Variants in PTPRG observed in about 807,000 individuals in gnomAD.
The protein encoded by PTPRG is receptor-type tyrosine-protein phosphatase gamma.
Under a neutral mutation model 165.3 loss-of-function variants are expected in PTPRG, and 102 were observed. The ratio of observed to expected loss-of-function variants is 0.62; its 90% confidence interval spans 0.53 to 0.73. PTPRG has a LOEUF of 0.73. Ranked by LOEUF, PTPRG falls within the 30% of genes least tolerant of loss-of-function variation. PTPRG has a pLI of 0.00. For synonymous variants in PTPRG, 675 were observed against 669.5 expected (o/e 1.01, Z -0.13); for missense variants, 1,866 against 1,861.4 (o/e 1.00, Z -0.05).
intron 2 of PTPRG, among the ~76,000 whole-genome samples, chr3:61,923,769 A>G (rs1575789342): frequency 7.0e-6 from 1 of 142,014 alleles, no homozygotes; most frequent in East Asian, 2.0e-4. Context: ...GGGCTCAAGC[A>G]TTTTGGGAGG....
At chr3:61,974,759 T>C (rs2040464194) in intron 2 of PTPRG, among the ~76,000 whole-genome samples, 1 of 152,194 alleles carries the variant, frequency 6.6e-6, no homozygotes. Context: ...CTGTTTTCTT[T>C]GCAGATTATG....
intron 4 of PTPRG, among the ~76,000 whole-genome samples, chr3:62,036,776 C>G (rs114808372): frequency 6.6e-6 from 1 of 152,170 alleles, no homozygotes; most frequent in Admixed American, 6.5e-5. Flanking sequence ...TGCTTCAAAA[C>G]AAGCTAGAAG....
chr3:62,207,956 T>C (rs1396087752), intron 12 of PTPRG, among the ~76,000 whole-genome samples: 4 of 152,234 alleles, frequency 2.6e-5, no homozygotes, highest in African/African-American at 4.8e-5. Flanking sequence ...CCAGTGAGAA[T>C]GCCTAGTGAG....
chr3:61,813,153 G>A (rs2035639737), intron 2 of PTPRG, among the ~76,000 whole-genome samples: 1 of 151,928 alleles, frequency 6.6e-6, no homozygotes, highest in African/African-American at 2.4e-5. Context: ...GAATGGTAGA[G>A]CATGGGGTCT....
At chr3:62,292,610 T>A in intron 29 of PTPRG, 54 bp downstream of exon 29, 1 of 1,586,510 alleles carries the variant, frequency 6.3e-7, no homozygotes, top group Middle Eastern at 1.7e-4. Flanking sequence ...AAACTCAGAC[T>A]CACAGTTTAG....
At chr3:62,067,876 G>T (rs1471397524) in intron 4 of PTPRG, among the ~76,000 whole-genome samples, 4 of 152,136 alleles carry the variant, frequency 2.6e-5, no homozygotes, top group African/African-American at 9.7e-5. Flanking sequence ...AACCAAAAAT[G>T]TCTCTAGACA....
intron 2 of PTPRG, among the ~76,000 whole-genome samples, chr3:61,891,640 A>G (rs1251619768): frequency 6.6e-6 from 1 of 152,266 alleles, no homozygotes; most frequent in African/African-American, 2.4e-5. Flanking sequence ...TGGAAAGCAC[A>G]TGAGGTAGCT....
rs1421783610 is a variant in PTPRG at position 61,646,027 on chromosome 3, C to CA, written c.85+83658dup. On this transcript the variant is annotated intron_variant, in intron 1 of 29. Coordinates refer to ENST00000474889, the MANE Select transcript of PTPRG (RefSeq NM_002841.4). Reference sequence around the variant, plus strand: ...AAATCTTACCTGCTTTATACAGACACAAATAAGGACTCCTCCATTCAGAGA... The same window carrying CA: ...AAATCTTACCTGCTTTATACAGACACAAAATAAGGACTCCTCCATTCAGAGA... Among the ~76,000 whole-genome samples the CA allele has an allele frequency of 3.9e-5, 6 of 152,212 alleles. No homozygotes were observed. In the East Asian group the frequency reaches 1.2e-3, roughly 29 times the overall value.
intron 4 of PTPRG, among the ~76,000 whole-genome samples, chr3:62,011,146 G>A (rs185151387): frequency 9.9e-5 from 15 of 152,260 alleles, no homozygotes; most frequent in East Asian, 7.7e-4. Flanking sequence ...CTTCCAGTGC[G>A]CATGCAGGCC....
intron 2 of PTPRG, among the ~76,000 whole-genome samples, chr3:61,870,700 A>G (rs1336839322): frequency 6.6e-6 from 1 of 151,522 alleles, no homozygotes; most frequent in Non-Finnish European, 1.5e-5. Flanking sequence ...AAAAGTAATG[A>G]TTACCTCCCA....
rs138750100 is a variant in PTPRG, at chr3:61,581,609, CTTTTTTT to C, written c.85+19249_85+19255del. ...AGAACCCATGGTTGCTTCTTTTTTT[CTTTTTTT>C]TTTTTTTTTTTATGAGACAGTCTCG... On this transcript the variant is annotated intron_variant, in intron 1 of 29. Transcript: ENST00000474889. 3.1e-3 allele frequency among the ~76,000 whole-genome samples: 425 copies of C among 137,100 alleles called. 14 individuals carry two copies. The East Asian group carries it at 0.07, about 22-fold the overall frequency. The allele number at this position is 137,100 out of a possible 152,430, so 89.9% of individuals were successfully genotyped here. A position where few individuals can be genotyped will look rare whatever the true frequency, so the allele number is the denominator to read the frequency against.
At chr3:62,292,676 C>G (rs1702942111) in intron 29 of PTPRG, 120 bp downstream of exon 29, 3 of 1,210,010 alleles carry the variant, frequency 2.5e-6, no homozygotes, top group African/African-American at 3.1e-5. Flanking sequence ...TTGGCCATGT[C>G]TGGAGACTTT....
chr3:62,016,453 A>G (rs1575891624), intron 4 of PTPRG, among the ~76,000 whole-genome samples: 1 of 152,172 alleles, frequency 6.6e-6, no homozygotes, highest in Non-Finnish European at 1.5e-5. Flanking sequence ...GGTGTGAGCC[A>G]CCGCGCCCGG....
At chr3:62,127,223 A>G (rs753838497) in intron 5 of PTPRG, among the ~76,000 whole-genome samples, 5 of 152,188 alleles carry the variant, frequency 3.3e-5, no homozygotes, top group African/African-American at 9.6e-5. Context: ...ATGCAAAATA[A>G]CCACATTATA....
intron 2 of PTPRG, among the ~76,000 whole-genome samples, chr3:61,803,315 A>C (rs2035303725): frequency 6.6e-6 from 1 of 152,208 alleles, no homozygotes; most frequent in Non-Finnish European, 1.5e-5. Context: ...CAATCGATAA[A>C]AAAAATTATT....
intron 4 of PTPRG, among the ~76,000 whole-genome samples, chr3:62,035,066 G>A (rs1699898938): frequency 6.6e-6 from 1 of 152,110 alleles, no homozygotes; most frequent in Admixed American, 6.5e-5. Flanking sequence ...CTCTGAGCAA[G>A]TTAGCTCTGC....
intron 2 of PTPRG, chr3:61,769,635 A>G (rs1222066747): frequency 6.6e-6 from 1 of 152,174 alleles, no homozygotes; most frequent in Non-Finnish European, 1.5e-5. Flanking sequence ...GTAATAAGGA[A>G]TTGAAGATTT....
chr3:61,643,855 A>G (rs181373607), intron 1 of PTPRG, among the ~76,000 whole-genome samples: 289 of 152,314 alleles, frequency 1.9e-3, no homozygotes, highest in Non-Finnish European at 3.2e-3. Context: ...GTTTGATGAT[A>G]TAATATTTAA....
At position 62,228,513 on chromosome 3, in the gene PTPRG, C is replaced by CAA. The variant is rs1277257567; in HGVS notation, c.2289-2701_2289-2700dup. On this transcript the variant is annotated intron_variant, in intron 13 of 29. Coordinates refer to ENST00000474889, the MANE Select transcript of PTPRG (RefSeq NM_002841.4). The surrounding 1 kb of genome is among the most constrained non-coding windows in gnomAD (Gnocchi z 4.1). ...TGGGCAACAGAGCAAAACTCCATCT[C>CAA]AAAAAAAAAAAAGAAAGAAAGAAAA... 6.3e-5 allele frequency among the ~76,000 whole-genome samples: 7 copies of CAA among 111,740 alleles called. No homozygotes were observed. Among genetic ancestry groups the CAA allele is most frequent in the African/African-American group, 1.3e-4 (4 of 29,714 alleles). The allele number at this position is 111,740 out of a possible 152,430, so 73.3% of individuals were successfully genotyped here.
Sources: gnomAD v4.1 joint callset for allele counts (sites outside exome capture counted in the v4.1 genomes callset) on GRCh38, gnomAD v4.1.1 for gene constraint, Gnocchi (gnomAD v3.1) non-coding constraint, MANE v1.5 for transcripts, NCBI Gene and HGNC (gene_info 2026-07-23, HGNC 2026-07-21) for gene names.